Variants in EDIL3 observed in about 807,000 individuals in gnomAD.
EDIL3 encodes the protein EGF-like repeat and discoidin I-like domain-containing protein 3.
EDIL3 carries 37 observed loss-of-function variants against 67.4 expected under a neutral mutation model. That is an observed-to-expected ratio of 0.55 (90% CI 0.42 to 0.72). The LOEUF (loss-of-function observed/expected upper bound fraction) is 0.72, where lower values mean the gene tolerates loss of function less well. Among genes scored for constraint, EDIL3 ranks in the 30% least tolerant of loss-of-function variants. EDIL3 has a pLI of 0.00. For missense variants in EDIL3, 527 were observed against 586.3 expected, an observed-to-expected ratio of 0.90 and a Z score of 1.04; for synonymous variants, 195 against 196.3, an observed-to-expected ratio of 0.99 and a Z score of 0.05.
intron 1 of EDIL3, among the ~76,000 whole-genome samples, chr5:84,284,629 C>T (rs1046324314): frequency 6.6e-6 from 1 of 152,038 alleles, no homozygotes; most frequent in Non-Finnish European, 1.5e-5. Context: ...GTTTTTGTTG[C>T]TTTTGACTAA....
At chr5:84,055,780 G>T (rs1280588130) in intron 9 of EDIL3, among the ~76,000 whole-genome samples, 3 of 152,192 alleles carry the variant, frequency 2.0e-5, no homozygotes, top group Non-Finnish European at 2.9e-5. Flanking sequence ...ACACCAGTTA[G>T]AATGGCAATC....
chr5:84,370,003 G>A (rs1747812002), intron 1 of EDIL3, among the ~76,000 whole-genome samples: 3 of 152,154 alleles, frequency 2.0e-5, no homozygotes, highest in South Asian at 2.1e-4. Flanking sequence ...ACCAAACAAC[G>A]ATAATTGCCA....
chr5:84,023,863 A>G (rs1745766188), intron 9 of EDIL3, among the ~76,000 whole-genome samples: 1 of 152,166 alleles, frequency 6.6e-6, no homozygotes, highest in Non-Finnish European at 1.5e-5. Context: ...CCATATTTAA[A>G]TCACTTGCAA....
intron 3 of EDIL3, among the ~76,000 whole-genome samples, chr5:84,198,038 T>G (rs773236528): frequency 1.3e-5 from 2 of 152,006 alleles, no homozygotes; most frequent in Non-Finnish European, 2.9e-5. Context: ...TAGAAACATT[T>G]TAAATACAAC....
intron 1 of EDIL3, among the ~76,000 whole-genome samples, chr5:84,329,548 T>A (rs562315158): frequency 6.6e-6 from 1 of 152,130 alleles, no homozygotes; most frequent in African/African-American, 2.4e-5. Flanking sequence ...GCAATTTTGT[T>A]GGACGTTAGT....
intron 6 of EDIL3, among the ~76,000 whole-genome samples, chr5:84,069,914 A>C (rs1746706807): frequency 6.6e-6 from 1 of 152,118 alleles, no homozygotes; most frequent in South Asian, 2.1e-4. Context: ...ACAGACCAGC[A>C]GAAGAGCACA....
intron 9 of EDIL3, among the ~76,000 whole-genome samples, chr5:83,995,825 C>G (rs546002053): frequency 6.6e-6 from 1 of 152,292 alleles, no homozygotes; most frequent in Admixed American, 6.5e-5. Context: ...GAATCCTCCT[C>G]CTATCCAGTA....
chr5:84,072,304 C>G (rs896500653), intron 6 of EDIL3, among the ~76,000 whole-genome samples: 2 of 151,786 alleles, frequency 1.3e-5, no homozygotes, highest in African/African-American at 4.8e-5. Context: ...TAGAAATGAG[C>G]AAAGGATTTG....
At chr5:84,352,121 A>G (rs1012252975) in intron 1 of EDIL3, among the ~76,000 whole-genome samples, 2 of 152,112 alleles carry the variant, frequency 1.3e-5, no homozygotes, top group Admixed American at 6.6e-5. Flanking sequence ...ACTTCTATTA[A>G]AAAAATTAAA....
In EDIL3 at chr5:83,943,446, C is replaced by T; in HGVS notation, c.1416G>A (p.Glu472=). The stretch of plus-strand genomic sequence containing the variant: ...ATTCCTCCTCTGTGCAGCCCAGCAG[C>T]TCTGACCGCAATGTGATCCTCCCGT... The part of the protein sequence containing the change: ...SWYGRITLRS[E]LLGCTEEE The change falls in exon 11 of 11, where the codon GAG becomes GAA. Residue 472 remains glutamate (E), a synonymous_variant. Transcript: ENST00000296591. 1 of 1,612,742 alleles carries T rather than the reference C, an allele frequency of 6.2e-7. No individual in the cohort carries two copies. The highest frequency in any genetic ancestry group is 8.5e-7 in the Non-Finnish European group (1 of 1,179,196).
chr5:84,127,909 A>C (rs1183441146), intron 5 of EDIL3, among the ~76,000 whole-genome samples: 1 of 152,052 alleles, frequency 6.6e-6, no homozygotes, highest in Non-Finnish European at 1.5e-5. Flanking sequence ...CCTTAACTAC[A>C]ATATGCATTT....
chr5:83,953,876 T>C (rs1358072481), intron 10 of EDIL3, among the ~76,000 whole-genome samples: 1 of 151,848 alleles, frequency 6.6e-6, no homozygotes, highest in African/African-American at 2.4e-5. Context: ...GCTCTATTCA[T>C]ATTAACACAC....
At chr5:83,969,463 T>C (rs1744753334) in intron 9 of EDIL3, among the ~76,000 whole-genome samples, 1 of 151,844 alleles carries the variant, frequency 6.6e-6, no homozygotes, top group African/African-American at 2.4e-5. Flanking sequence ...TATATAACAT[T>C]CCGTATTGTG....
intron 10 of EDIL3, among the ~76,000 whole-genome samples, chr5:83,952,895 C>T (rs559716480): frequency 6.6e-6 from 1 of 151,894 alleles, no homozygotes; most frequent in South Asian, 2.1e-4. Flanking sequence ...ATATCGAGCT[C>T]TATGTATGAA....
At chr5:84,194,027 T>A (rs1743646032) in intron 3 of EDIL3, among the ~76,000 whole-genome samples, 3 of 151,936 alleles carry the variant, frequency 2.0e-5, no homozygotes, top group East Asian at 1.9e-4. Flanking sequence ...TCACATTTTT[T>A]AAAAAAGTAA....
intron 1 of EDIL3, among the ~76,000 whole-genome samples, chr5:84,363,302 C>G (rs1747653255): frequency 6.6e-6 from 1 of 151,718 alleles, no homozygotes; most frequent in Non-Finnish European, 1.5e-5. Flanking sequence ...ACTAAAAATA[C>G]AAAAATTAGC....
chr5:83,994,142 C>G (rs185133041), intron 9 of EDIL3, among the ~76,000 whole-genome samples: 1 of 152,098 alleles, frequency 6.6e-6, no homozygotes, highest in Non-Finnish European at 1.5e-5. Context: ...AGGCATTTTA[C>G]GCTTCCTTTA....
intron 9 of EDIL3, among the ~76,000 whole-genome samples, chr5:83,978,152 A>T (rs1471761703): frequency 6.6e-6 from 1 of 151,984 alleles, no homozygotes; most frequent in Non-Finnish European, 1.5e-5. Context: ...AAGATAGTTT[A>T]GCAAGGTTAG....
intron 5 of EDIL3, among the ~76,000 whole-genome samples, chr5:84,109,691 C>A (rs1445170702): frequency 6.6e-6 from 1 of 151,992 alleles, no homozygotes; most frequent in African/African-American, 2.4e-5. Context: ...TTTAAACAAA[C>A]AAAAACAAAC....
Sources: allele counts gnomAD v4.1 joint callset (sites outside exome capture counted in the v4.1 genomes callset), GRCh38; gene constraint gnomAD v4.1.1; transcripts MANE v1.5; gene names NCBI Gene and HGNC (gene_info 2026-07-23, HGNC 2026-07-21).